The following MGAT4C variants were observed in gnomAD, a reference collection of about 807,000 sequenced individuals.
MGAT4C encodes the protein alpha-1,3-mannosyl-glycoprotein 4-beta-N-acetylglucosaminyltransferase C.
A neutral mutation model predicts 40.1 loss-of-function variants in MGAT4C; 19 were observed. The ratio of observed to expected loss-of-function variants is 0.47; its 90% CI spans 0.33 to 0.70. The LOEUF is 0.70. Among genes scored for constraint, MGAT4C ranks in the 30% least tolerant of loss-of-function variants. The pLI is 0.02. For missense variants in MGAT4C, 491 were observed against 563.2 expected (o/e 0.87, Z 1.30); for synonymous variants, 181 against 187.1 (o/e 0.97, Z 0.27).
chr12:86,416,472 C>T (rs1956717758), intron 3 of MGAT4C, among the ~76,000 whole-genome samples: 1 of 152,170 alleles, frequency 6.6e-6, no homozygotes, highest in African/African-American at 2.4e-5. Context: ...ACCAGAGGCA[C>T]TGGTTACCCA....
chr12:86,365,516 T>A lies in MGAT4C; in HGVS notation c.-119-31389A>T, dbSNP rs149602903. 6.6e-3 allele frequency among the ~76,000 whole-genome samples: 1,001 copies of A among 152,262 alleles called. 10 individuals are homozygous for A. Among genetic ancestry groups the A allele is most frequent in the African/African-American group, 0.023 (956 of 41,544 alleles). On this transcript the variant is annotated intron_variant, in intron 3 of 7. Transcript: ENST00000548651. ...GATAAGTGTCCATGAAATCTTCACA[T>A]TTTATGTTCAGAGATTGCAGTAAAG...
chr12:86,055,007 T>G (rs749106367), intron 1 of MGAT4C, among the ~76,000 whole-genome samples: 2 of 152,044 alleles, frequency 1.3e-5, no homozygotes, highest in African/African-American at 4.8e-5. Context: ...CTGTGATTAT[T>G]TAACATCTTT....
chr12:86,208,320 A>G (rs1950339658), intron 1 of MGAT4C, among the ~76,000 whole-genome samples: 1 of 152,158 alleles, frequency 6.6e-6, no homozygotes, highest in Non-Finnish European at 1.5e-5. Flanking sequence ...CAAAACAGTT[A>G]TCAGGGTATG....
intron 1 of MGAT4C, among the ~76,000 whole-genome samples, chr12:86,835,735 G>A (rs548724458): frequency 6.6e-5 from 10 of 151,938 alleles, no homozygotes; most frequent in South Asian, 6.2e-4. Flanking sequence ...TTATCTATGC[G>A]TAAGTATCCA....
chr12:86,681,960 T>C (rs1455828632), intron 2 of MGAT4C, among the ~76,000 whole-genome samples: 9 of 152,030 alleles, frequency 5.9e-5, no homozygotes, highest in Admixed American at 3.3e-4. Flanking sequence ...CTTCTCTTAG[T>C]GCACAATTAA....
chr12:86,073,287 A>G (rs926115808), intron 1 of MGAT4C, among the ~76,000 whole-genome samples: 1 of 152,210 alleles, frequency 6.6e-6, no homozygotes, highest in South Asian at 2.1e-4. Context: ...CTGTGAGTCC[A>G]TTAAATATAT....
intron 2 of MGAT4C, among the ~76,000 whole-genome samples, chr12:86,586,019 A>G (rs1961020130): frequency 6.6e-6 from 1 of 150,488 alleles, no homozygotes; most frequent in African/African-American, 2.4e-5. Context: ...TTACATAGGT[A>G]TACATGTGCC....
In MGAT4C at chr12:86,485,315, C is replaced by T. The variant is rs543111977; in HGVS notation, c.-228-50050G>A. ...TCAAGGTTCAGGAACAAGTTGAAAC[C>T]CAATCCAAGAAATCCAAGGAATCCC... is the stretch of plus-strand genomic sequence containing the variant. On this transcript the variant is annotated intron_variant, in intron 2 of 7. Coordinates refer to the MGAT4C transcript ENST00000548651. 3.2e-4 allele frequency among the ~76,000 whole-genome samples: 49 copies of T among 152,068 alleles called. No individual in the cohort carries two copies. The South Asian group carries it at 1.0e-2, about 31-fold the overall frequency.
chr12:86,338,175 G>C (rs1388443840), intron 3 of MGAT4C, among the ~76,000 whole-genome samples: 3 of 152,114 alleles, frequency 2.0e-5, no homozygotes, highest in African/African-American at 7.2e-5. Context: ...GAATTTTTAA[G>C]GACAACTTAG....
At chr12:86,782,221 G>A (rs1487171902) in intron 1 of MGAT4C, among the ~76,000 whole-genome samples, 1 of 110,998 alleles carries the variant, frequency 9.0e-6, no homozygotes, top group Non-Finnish European at 1.7e-5. Flanking sequence ...TCGCTCTGTC[G>A]CCCAGGCTGG....
intron 1 of MGAT4C, among the ~76,000 whole-genome samples, chr12:86,739,893 T>G (rs1951042399): frequency 6.6e-6 from 1 of 150,694 alleles, no homozygotes. Flanking sequence ...CACACACACA[T>G]AAGTCCTAAG....
chr12:86,517,397 G>GA (rs1448019987), intron 2 of MGAT4C, among the ~76,000 whole-genome samples: 1 of 151,490 alleles, frequency 6.6e-6, no homozygotes, highest in Non-Finnish European at 1.5e-5. Context: ...AAAACTTTCA[G>GA]AAAAAAATAC....
intron 2 of MGAT4C, among the ~76,000 whole-genome samples, chr12:86,609,781 G>A (rs1184401185): frequency 3.0e-5 from 3 of 99,266 alleles, no homozygotes; most frequent in African/African-American, 9.2e-5. Context: ...TGCTAAATAA[G>A]GCACTACCAG....
intron 2 of MGAT4C, among the ~76,000 whole-genome samples, chr12:86,445,331 G>C (rs1007162700): frequency 6.6e-6 from 1 of 152,138 alleles, no homozygotes; most frequent in Non-Finnish European, 1.5e-5. Flanking sequence ...CCAATACCAT[G>C]TAAGAGAATA....
At chr12:86,310,896 C>T (rs1954056607) in intron 4 of MGAT4C, among the ~76,000 whole-genome samples, 1 of 152,216 alleles carries the variant, frequency 6.6e-6, no homozygotes, top group Non-Finnish European at 1.5e-5. Flanking sequence ...CGCACTCCAG[C>T]CTGTGCGACA....
chr12:86,202,506 T>C (rs1002478897), intron 1 of MGAT4C, among the ~76,000 whole-genome samples: 1 of 152,036 alleles, frequency 6.6e-6, no homozygotes, highest in African/African-American at 2.4e-5. Context: ...CTTTAAAATA[T>C]TTTTATCTTT....
chr12:86,380,547 A>G (rs767758878), intron 3 of MGAT4C, among the ~76,000 whole-genome samples: 57 of 152,182 alleles, frequency 3.7e-4, no homozygotes, highest in Non-Finnish European at 7.6e-4. Context: ...TGTTTCTGTC[A>G]TAATCAGTGC....
chr12:86,573,447 A>G (rs1454218797), intron 2 of MGAT4C, among the ~76,000 whole-genome samples: 1 of 152,040 alleles, frequency 6.6e-6, no homozygotes, highest in African/African-American at 2.4e-5. Flanking sequence ...TTACTGACTA[A>G]TCTTTTCATT....
intron 2 of MGAT4C, among the ~76,000 whole-genome samples, chr12:86,040,775 C>A (rs1891742747): frequency 1.3e-5 from 2 of 152,156 alleles, no homozygotes; most frequent in African/African-American, 4.8e-5. Flanking sequence ...AGTGTCCGCC[C>A]AAACTGCTGC....
Sources: gnomAD v4.1 joint callset for allele counts (sites outside exome capture counted in the v4.1 genomes callset) on GRCh38, gnomAD v4.1.1 for gene constraint, MANE v1.5 for transcripts, NCBI Gene and HGNC (gene_info 2026-07-23, HGNC 2026-07-21) for gene names.